Variants in BCAS3 observed in about 807,000 individuals in gnomAD.
The protein encoded by BCAS3 is BCAS4/BCAS3 fusion.
A neutral mutation model predicts 116.1 loss-of-function variants in BCAS3; 53 were observed. The observed-to-expected ratio is 0.46, with a 90% confidence interval of 0.37 to 0.57. The LOEUF (loss-of-function observed/expected upper bound fraction) is 0.57, where lower values mean the gene tolerates loss of function less well. BCAS3 is among the 20% of genes least tolerant of loss of function. The pLI is 0.00. For synonymous variants in BCAS3, 391 were observed against 408.2 expected, an observed-to-expected ratio of 0.96 and a Z score of 0.51; for missense variants, 917 against 1,165.4, an observed-to-expected ratio of 0.79 and a Z score of 3.10.
At chr17:60,798,887 A>G (rs940381863) in intron 6 of BCAS3, among the ~76,000 whole-genome samples, 9 of 152,212 alleles carry the variant, frequency 5.9e-5, no homozygotes, top group Non-Finnish European at 1.3e-4. Context: ...TAGCTGTGCA[A>G]TGGTATCTCA....
At chr17:60,934,730 A>G (rs2059828533) in intron 13 of BCAS3, among the ~76,000 whole-genome samples, 7 of 152,228 alleles carry the variant, frequency 4.6e-5, no homozygotes, top group Admixed American at 4.6e-4. Context: ...TGCTCTAAAA[A>G]CAGCCTAAAT....
chr17:60,966,208 A>G (rs565732470), intron 14 of BCAS3, among the ~76,000 whole-genome samples: 45 of 152,016 alleles, frequency 3.0e-4, no homozygotes, highest in African/African-American at 1.0e-3. Flanking sequence ...CTTTCAGTCT[A>G]TGTGTGTCTT....
intron 22 of BCAS3, among the ~76,000 whole-genome samples, chr17:61,304,002 T>C (rs1028948388): frequency 2.1e-4 from 32 of 152,200 alleles, no homozygotes; most frequent in Non-Finnish European, 3.5e-4. Context: ...TCCCAGTCTG[T>C]AACACCACCA....
chr17:61,148,125 A>T (rs193302048), intron 22 of BCAS3, among the ~76,000 whole-genome samples: 1 of 152,372 alleles, frequency 6.6e-6, no homozygotes, highest in African/African-American at 2.4e-5. Context: ...AGAGACACTC[A>T]GAAGGTTTAG....
chr17:60,705,447 G>A (rs1294774654), intron 4 of BCAS3, among the ~76,000 whole-genome samples: 7 of 151,586 alleles, frequency 4.6e-5, no homozygotes, highest in Non-Finnish European at 8.8e-5. Flanking sequence ...CCTGGGAGGC[G>A]GAGTTTCAGT....
At chr17:60,838,168 G>C (rs1033633297) in intron 7 of BCAS3, among the ~76,000 whole-genome samples, 5 of 151,914 alleles carry the variant, frequency 3.3e-5, no homozygotes, top group Non-Finnish European at 7.4e-5. Flanking sequence ...ATGAGAGACT[G>C]AACAAAATGG....
intron 23 of BCAS3, among the ~76,000 whole-genome samples, chr17:61,372,852 A>G (rs565106392): frequency 6.6e-6 from 1 of 152,262 alleles, no homozygotes; most frequent in Admixed American, 6.5e-5. Flanking sequence ...TAGAATTTTT[A>G]AAGTAAACAA....
chr17:60,839,185 A>G (rs1411922397), intron 7 of BCAS3, among the ~76,000 whole-genome samples: 6 of 152,214 alleles, frequency 3.9e-5, no homozygotes, highest in Admixed American at 3.9e-4. Context: ...GGAACATTAA[A>G]CATATTTCTT....
chr17:61,235,403 A>G lies in BCAS3; in HGVS notation c.2426-132924A>G, dbSNP rs1467529619. Among the ~76,000 whole-genome samples, 5 of 152,214 alleles carry G rather than the reference A, an allele frequency of 3.3e-5. No homozygotes were observed. The highest frequency in any genetic ancestry group is 7.2e-5 in the African/African-American group (3 of 41,462). ...ACAGTTTTGAGAATTTCGATATTTG[A>G]CAGATGATTGAGCCACTCGAGTTGC... is the stretch of plus-strand genomic sequence containing the variant. On this transcript the variant is annotated intron_variant, in intron 22 of 23. Transcript: ENST00000407086. This position sits in a 1 kb window ranked among gnomAD's most constrained non-coding sequence, Gnocchi z 5.0.
chr17:60,775,519 T>TTTTTC (rs1317065261), intron 6 of BCAS3, among the ~76,000 whole-genome samples: 1 of 152,160 alleles, frequency 6.6e-6, no homozygotes, highest in African/African-American at 2.4e-5. Flanking sequence ...TCTCTTGTTG[T>TTTTTC]TGTTACTGTA....
intron 22 of BCAS3, among the ~76,000 whole-genome samples, chr17:61,334,680 A>C (rs909880134): frequency 2.6e-5 from 4 of 151,754 alleles, no homozygotes; most frequent in Admixed American, 6.6e-5. Flanking sequence ...AAAAAAAAAA[A>C]AAAAAAAAAC....
rs538720530 is a variant in BCAS3 at position 60,962,857 on chromosome 17, G to C, written c.1221+15505G>C. On this transcript the variant is annotated intron_variant, in intron 14 of 23. Coordinates refer to ENST00000407086, the MANE Select transcript of BCAS3 (RefSeq NM_017679.5). This position sits in a 1 kb window ranked among gnomAD's most constrained non-coding sequence, Gnocchi z 4.4. Reference sequence around the variant, plus strand: ...TGTTTCTCCAAAGTTTTCTTTTAGTGGTTTCATAGTTTGAGGTCTTAGATT... The same window carrying C: ...TGTTTCTCCAAAGTTTTCTTTTAGTCGTTTCATAGTTTGAGGTCTTAGATT... Among the ~76,000 whole-genome samples, 3 of 152,178 alleles carry C rather than the reference G, an allele frequency of 2.0e-5. No homozygotes were observed. In the East Asian group the frequency reaches 5.8e-4, roughly 29 times the overall value.
intron 22 of BCAS3, among the ~76,000 whole-genome samples, chr17:61,305,552 A>G (rs897396692): frequency 1.1e-4 from 16 of 152,228 alleles, no homozygotes; most frequent in Admixed American, 2.6e-4. Context: ...AAATGAGGTC[A>G]TATATGTTGT....
chr17:60,979,791 A>G (rs1315798938), intron 14 of BCAS3, among the ~76,000 whole-genome samples: 1 of 152,166 alleles, frequency 6.6e-6, no homozygotes, highest in African/African-American at 2.4e-5. Flanking sequence ...TATGTGATGG[A>G]TTATGTTTAC....
chr17:60,797,517 T>C (rs1214073831), intron 6 of BCAS3, among the ~76,000 whole-genome samples: 1 of 151,890 alleles, frequency 6.6e-6, no homozygotes, highest in Non-Finnish European at 1.5e-5. Flanking sequence ...CCTGACTACA[T>C]TTATTTATTT....
rs1370708591 is a variant in BCAS3 at position 61,151,647 on chromosome 17, A to G, written c.2425+67083A>G. Among the ~76,000 whole-genome samples, 2 of 152,056 alleles carry G rather than the reference A, an allele frequency of 1.3e-5. No homozygotes were observed. The highest frequency in any genetic ancestry group is 6.6e-5 in the Admixed American group (1 of 15,262). On this transcript the variant is annotated intron_variant, in intron 22 of 23. Coordinates refer to ENST00000407086, the MANE Select transcript of BCAS3 (RefSeq NM_017679.5). The surrounding 1 kb of genome is among the most constrained non-coding windows in gnomAD (Gnocchi z 4.8). ...AAATTTTTAAATTTTTGGCAGAAAC[A>G]AGTTCTCGCCATTTTACCCAGACTG...
intron 7 of BCAS3, among the ~76,000 whole-genome samples, chr17:60,848,053 A>T (rs1728324612): frequency 6.6e-6 from 1 of 152,200 alleles, no homozygotes; most frequent in Non-Finnish European, 1.5e-5. Context: ...AACATAATTT[A>T]CTGAAGAGAC....
At chr17:60,946,519 G>T (rs2060505673) in intron 13 of BCAS3, among the ~76,000 whole-genome samples, 1 of 152,164 alleles carries the variant, frequency 6.6e-6, no homozygotes, top group South Asian at 2.1e-4. Context: ...GTAGTAGTTG[G>T]ATCAGTAGAT....
chr17:61,236,935 G>T (rs1014589333), intron 22 of BCAS3, among the ~76,000 whole-genome samples: 1 of 152,162 alleles, frequency 6.6e-6, no homozygotes, highest in Non-Finnish European at 1.5e-5. Context: ...GGTAATAAAA[G>T]AGAAGACTGA....
Sources: gnomAD v4.1 joint callset for allele counts (sites outside exome capture counted in the v4.1 genomes callset) on GRCh38, gnomAD v4.1.1 for gene constraint, Gnocchi (gnomAD v3.1) non-coding constraint, MANE v1.5 for transcripts, NCBI Gene and HGNC (gene_info 2026-07-23, HGNC 2026-07-21) for gene names.